PRIMA1: variants seen among roughly 807,000 people sequenced by gnomAD.
The protein encoded by PRIMA1 is proline rich membrane anchor 1, also known as proline-rich membrane anchor 1.
Under a neutral mutation model 17.5 loss-of-function variants are expected in PRIMA1, and 7 were observed. The ratio of observed to expected loss-of-function variants is 0.40; its 90% CI spans 0.23 to 0.75. PRIMA1 has a LOEUF of 0.75. Ranked by LOEUF, PRIMA1 falls within the 30% of genes least tolerant of loss-of-function variation. The pLI is 0.37. For synonymous variants in PRIMA1, 97 were observed against 77.9 expected (o/e 1.25, Z -1.29); for missense variants, 200 against 201.8 (o/e 0.99, Z 0.05).
At chr14:93,743,977 C>T (rs2076200408) in intron 3 of PRIMA1, among the ~76,000 whole-genome samples, 1 of 152,224 alleles carries the variant, frequency 6.6e-6, no homozygotes, top group South Asian at 2.1e-4. Context: ...TGCTGAAGCG[C>T]CCGCTGGTTT....
intron 3 of PRIMA1, among the ~76,000 whole-genome samples, chr14:93,773,511 C>T (rs1885125551): frequency 6.6e-6 from 1 of 152,230 alleles, no homozygotes; most frequent in African/African-American, 2.4e-5. Flanking sequence ...TAAACAAGCT[C>T]TCCAGGCGCT....
intron 3 of PRIMA1, among the ~76,000 whole-genome samples, chr14:93,763,823 T>G (rs562688656): frequency 1.1e-4 from 16 of 152,066 alleles, no homozygotes; most frequent in Non-Finnish European, 1.9e-4. Flanking sequence ...CAGTGATCTC[T>G]GATGGCTTTG....
At chr14:93,766,166 C>T (rs866933788) in intron 3 of PRIMA1, among the ~76,000 whole-genome samples, 3 of 152,282 alleles carry the variant, frequency 2.0e-5, no homozygotes, top group East Asian at 1.9e-4. Context: ...CTTGACACTA[C>T]GGTAGCAAAC....
chr14:93,742,611 G>GTGGACGTGTGGACCCACCCAAGGTCCAA (rs2076191183), intron 3 of PRIMA1, among the ~76,000 whole-genome samples: 1 of 152,146 alleles, frequency 6.6e-6, no homozygotes, highest in Non-Finnish European at 1.5e-5. Flanking sequence ...GGTAGGGGAG[G>GTGGACGTGTGGACCCACCCAAGGTCCAA]TGGACGTGTG....
intron 3 of PRIMA1, among the ~76,000 whole-genome samples, chr14:93,755,038 C>A (rs1356066672): frequency 6.6e-6 from 1 of 152,136 alleles, no homozygotes; most frequent in East Asian, 1.9e-4. Flanking sequence ...AACTGACATT[C>A]CCAATTCTGG....
intron 3 of PRIMA1, among the ~76,000 whole-genome samples, chr14:93,766,937 G>C (rs1473214409): frequency 6.6e-6 from 1 of 152,218 alleles, no homozygotes; most frequent in East Asian, 1.9e-4. Context: ...TCTACCCAGT[G>C]CATGAGACAC....
intron 3 of PRIMA1, among the ~76,000 whole-genome samples, chr14:93,771,900 G>A (rs1049805008): frequency 1.3e-5 from 2 of 152,202 alleles, no homozygotes; most frequent in Non-Finnish European, 2.9e-5. Flanking sequence ...GAAGAGTTAG[G>A]CAGGGGCCAC....
Position 93,719,649 on chromosome 14 carries a change from C to A in PRIMA1, c.*1795G>T, listed in dbSNP as rs1302350037. On this transcript the variant is annotated 3_prime_UTR_variant, in exon 5 of 5. Transcript: ENST00000393140. The stretch of plus-strand genomic sequence containing the variant: ...GGGTCTGCTGGGTTTCCCCCTTTAA[C>A]CTGCTGCTGGCCCACACCCTCTGGC... The A allele has an allele frequency of 6.5e-6, 1 of 152,866 alleles. No individual in the cohort carries two copies. Among genetic ancestry groups the A allele is most frequent in the African/African-American group, 2.4e-5 (1 of 41,462 alleles). The allele number at this position is 152,866 out of a possible 1,614,324, so 9.5% of individuals were successfully genotyped here. A position where few individuals can be genotyped will look rare whatever the true frequency, so the allele number is the denominator to read the frequency against.
chr14:93,769,208 C>T (rs1157288475), intron 3 of PRIMA1, among the ~76,000 whole-genome samples: 3 of 152,178 alleles, frequency 2.0e-5, no homozygotes, highest in African/African-American at 4.8e-5. Flanking sequence ...TTTACTCAAG[C>T]AAGGGTTATA....
intron 4 of PRIMA1, among the ~76,000 whole-genome samples, chr14:93,728,450 T>C (rs1595190606): frequency 6.6e-6 from 1 of 151,044 alleles, no homozygotes; most frequent in South Asian, 2.1e-4. Flanking sequence ...AGCTGGAGAG[T>C]CCTGAGCGAG....
chr14:93,773,811 T>C lies in PRIMA1; in HGVS notation c.229+5365A>G, dbSNP rs1256498482. 2.6e-5 allele frequency among the ~76,000 whole-genome samples: 4 copies of C among 152,146 alleles called. No homozygotes were observed. In the East Asian group the frequency reaches 7.7e-4, roughly 29 times the overall value. On this transcript the variant is annotated intron_variant, in intron 3 of 4. Transcript: ENST00000393140. ...GTCAGGACTCTCAAAAGATTCATGG[T>C]GGCTGGGCACGGTGGCTCACACCTG...
At chr14:93,777,527 G>A (rs1317947697) in intron 3 of PRIMA1, among the ~76,000 whole-genome samples, 7 of 151,994 alleles carry the variant, frequency 4.6e-5, no homozygotes, top group Admixed American at 3.3e-4. Context: ...TAGTAGAGAC[G>A]GGGTTTCACC....
intron 3 of PRIMA1, among the ~76,000 whole-genome samples, chr14:93,749,322 C>CTG (rs1342652094): frequency 1.3e-5 from 2 of 152,232 alleles, no homozygotes; most frequent in African/African-American, 4.8e-5. Flanking sequence ...GACTCCTCCT[C>CTG]ATTCAGCTGC....
Position 93,779,210 on chromosome 14 carries a change from T to C in PRIMA1, c.195A>G (p.Pro65=), listed in dbSNP as rs769395826. The C allele has an allele frequency of 1.2e-5, 4 of 343,300 alleles. No individual in the cohort carries two copies. Among genetic ancestry groups the C allele is most frequent in the Non-Finnish European group, 1.1e-5 (3 of 274,674 alleles). 21.3% of individuals were successfully genotyped at this position (343,300 alleles called of 1,614,324 possible). A position where few individuals can be genotyped will look rare whatever the true frequency, so the allele number is the denominator to read the frequency against. The change falls in exon 3 of 5, where the codon CCA becomes CCG. Residue 65 remains proline, a synonymous_variant. Coordinates refer to ENST00000393140, the MANE Select transcript of PRIMA1 (RefSeq NM_178013.4). The part of the protein sequence containing the change: ...RPPPPLPPPP[P]PPPPPRLLSA... Reference sequence around the variant, plus strand: ...AGAGGAGTCTGGGAGGTGGCGGGGGTGGGGGCGGCGGGGGCAGCGGGGGAG... The same window carrying C: ...AGAGGAGTCTGGGAGGTGGCGGGGGCGGGGGCGGCGGGGGCAGCGGGGGAG...
intron 4 of PRIMA1, among the ~76,000 whole-genome samples, chr14:93,724,489 T>C (rs568149444): frequency 6.6e-6 from 1 of 152,286 alleles, no homozygotes; most frequent in African/African-American, 2.4e-5. Flanking sequence ...CCCGTTCCTG[T>C]CCTACCCACC....
intron 3 of PRIMA1, among the ~76,000 whole-genome samples, chr14:93,767,035 A>G (rs1316770840): frequency 2.6e-5 from 4 of 152,218 alleles, no homozygotes; most frequent in African/African-American, 9.6e-5. Flanking sequence ...AGTGGCCTAC[A>G]AGACTTGAAC....
intron 3 of PRIMA1, among the ~76,000 whole-genome samples, chr14:93,758,594 CAAAAA>C (rs34329291): frequency 1.2e-5 from 1 of 81,344 alleles, no homozygotes; most frequent in Non-Finnish European, 2.3e-5. Context: ...GCAAGACTCT[CAAAAA>C]AAAAAAAAAA....
At chr14:93,777,324 C>A (rs192159480) in intron 3 of PRIMA1, among the ~76,000 whole-genome samples, 4 of 148,208 alleles carry the variant, frequency 2.7e-5, no homozygotes, top group Admixed American at 1.4e-4. Context: ...TGATTAGCAA[C>A]CTGGAACAAT....
chr14:93,730,445 T>A (rs989676450), intron 4 of PRIMA1, among the ~76,000 whole-genome samples: 2 of 151,698 alleles, frequency 1.3e-5, no homozygotes, highest in Non-Finnish European at 2.9e-5. Flanking sequence ...CTGGAAGAAA[T>A]GAGGGGAAGG....
Sources: gnomAD v4.1 joint callset for allele counts (sites outside exome capture counted in the v4.1 genomes callset) on GRCh38, gnomAD v4.1.1 for gene constraint, MANE v1.5 for transcripts, NCBI Gene and HGNC (gene_info 2026-07-23, HGNC 2026-07-21) for gene names.